VAV2: variants seen among roughly 807,000 people sequenced by gnomAD.
The protein encoded by VAV2 is guanine nucleotide exchange factor VAV2.
Under a neutral mutation model 132.5 loss-of-function variants are expected in VAV2, and 67 were observed. The observed-to-expected ratio is 0.51, with a 90% CI of 0.42 to 0.62. The LOEUF (loss-of-function observed/expected upper bound fraction) is 0.62. Ranked by LOEUF, VAV2 falls within the 20% of genes least tolerant of loss-of-function variation. VAV2 has a pLI of 0.00. For synonymous variants in VAV2, 492 were observed against 443.5 expected (o/e 1.11, Z -1.37); for missense variants, 938 against 1,153.6 (o/e 0.81, Z 2.71).
chr9:133,940,200 G>A (rs933226793), intron 1 of VAV2, among the ~76,000 whole-genome samples: 1 of 152,164 alleles, frequency 6.6e-6, no homozygotes, highest in African/African-American at 2.4e-5. Context: ...TTAATCATGT[G>A]CCCTGATGAC....
intron 12 of VAV2, among the ~76,000 whole-genome samples, chr9:133,795,404 G>A (rs1834668222): frequency 6.6e-6 from 1 of 152,112 alleles, no homozygotes; most frequent in Non-Finnish European, 1.5e-5. Context: ...CAGGGGGAGG[G>A]GAGGCTCAAG....
chr9:133,799,921 C>A (rs1472169978), intron 9 of VAV2, among the ~76,000 whole-genome samples: 1 of 152,118 alleles, frequency 6.6e-6, no homozygotes, highest in Non-Finnish European at 1.5e-5. Flanking sequence ...GCACCTGCCC[C>A]GCTCCGGATC....
At chr9:133,882,320 G>GA (rs1328341728) in intron 2 of VAV2, among the ~76,000 whole-genome samples, 1 of 152,250 alleles carries the variant, frequency 6.6e-6, no homozygotes, top group Non-Finnish European at 1.5e-5. Context: ...CCCCAAAGGG[G>GA]CGGCCCTGCT....
intron 5 of VAV2, 89 bp from the exon 6 acceptor site, chr9:133,810,294 C>T: frequency 2.5e-6 from 4 of 1,587,058 alleles, no homozygotes; most frequent in Non-Finnish European, 3.4e-6. Flanking sequence ...TCAGGAACGC[C>T]ACCCCACAAC....
chr9:133,887,637 C>CCCA (rs1389516357), intron 2 of VAV2, among the ~76,000 whole-genome samples: 4 of 152,128 alleles, frequency 2.6e-5, no homozygotes, highest in Non-Finnish European at 5.9e-5. Flanking sequence ...TCCACTTACC[C>CCCA]CCAGCAGAGA....
intron 4 of VAV2, among the ~76,000 whole-genome samples, chr9:133,816,851 T>C (rs1183667867): frequency 1.3e-5 from 2 of 152,242 alleles, no homozygotes; most frequent in Non-Finnish European, 2.9e-5. Context: ...TCCATCCATC[T>C]ATTTGTCTAT....
intron 3 of VAV2, among the ~76,000 whole-genome samples, chr9:133,844,343 G>A (rs1023861582): frequency 6.6e-6 from 1 of 152,166 alleles, no homozygotes; most frequent in Non-Finnish European, 1.5e-5. Context: ...AGCCCCCGAA[G>A]CTACTCTGCC....
intron 2 of VAV2, among the ~76,000 whole-genome samples, chr9:133,903,344 G>A (rs1473402711): frequency 1.3e-5 from 2 of 152,048 alleles, no homozygotes; most frequent in African/African-American, 4.8e-5. Context: ...TCTACCCCAC[G>A]CTGGGTGGTG....
chr9:133,796,340 G>T, intron 11 of VAV2, 89 bp downstream of exon 11: 1 of 1,123,534 alleles, frequency 8.9e-7, no homozygotes, highest in Non-Finnish European at 1.3e-6. Context: ...TCTGTCTGTG[G>T]GCTGCAACCT....
intron 1 of VAV2, among the ~76,000 whole-genome samples, chr9:133,989,351 A>C (rs973801094): frequency 1.3e-5 from 2 of 150,462 alleles, no homozygotes; most frequent in African/African-American, 2.5e-5. Context: ...AAAAAAAAAA[A>C]AAACAAAAAA....
At chr9:133,974,990 C>T (rs1842460500) in intron 1 of VAV2, among the ~76,000 whole-genome samples, 1 of 152,248 alleles carries the variant, frequency 6.6e-6, no homozygotes, top group South Asian at 2.1e-4. Flanking sequence ...ATTCATGCCC[C>T]TGGCAGAACC....
intron 8 of VAV2, 40 bp from the exon 9 acceptor site, chr9:133,806,221 C>A (rs767463685): frequency 1.3e-6 from 2 of 1,589,734 alleles, no homozygotes; most frequent in South Asian, 1.1e-5. Context: ...GCCAGGCCCA[C>A]CCAAGGCTAG....
At chr9:133,841,723 G>T (rs908069710) in intron 3 of VAV2, among the ~76,000 whole-genome samples, 1 of 152,214 alleles carries the variant, frequency 6.6e-6, no homozygotes, top group Non-Finnish European at 1.5e-5. Context: ...TAATGGGTCT[G>T]GGTTCAAGCC....
At chr9:133,836,533 C>T (rs1836480426) in intron 3 of VAV2, among the ~76,000 whole-genome samples, 2 of 152,138 alleles carry the variant, frequency 1.3e-5, no homozygotes, top group Non-Finnish European at 2.9e-5. Flanking sequence ...ATTTTAAACC[C>T]CACTCATCTC....
chr9:133,930,154 C>A (rs1474182047), intron 2 of VAV2, among the ~76,000 whole-genome samples: 1 of 152,218 alleles, frequency 6.6e-6, no homozygotes, highest in Non-Finnish European at 1.5e-5. Flanking sequence ...GCGCCCTCCC[C>A]TCCAGGGTCA....
intron 2 of VAV2, among the ~76,000 whole-genome samples, chr9:133,933,900 GGGTGGATGGATGGATGGAT>G: frequency 6.8e-6 from 1 of 146,474 alleles, no homozygotes; most frequent in Admixed American, 6.8e-5. Flanking sequence ...ATGGATGGAT[GGGTGGATGGATGGATGGAT>G]GATGGGTGAA....
At chr9:133,785,074 C>T (rs1010415216) in intron 17 of VAV2, among the ~76,000 whole-genome samples, 8 of 152,170 alleles carry the variant, frequency 5.3e-5, no homozygotes, top group African/African-American at 1.9e-4. Flanking sequence ...AACCAGCTGG[C>T]TGCATCTATT....
At chr9:133,934,885 T>A (rs1248521520) in intron 2 of VAV2, among the ~76,000 whole-genome samples, 2 of 152,198 alleles carry the variant, frequency 1.3e-5, no homozygotes, top group Non-Finnish European at 2.9e-5. Context: ...CCCTGACTAA[T>A]GCGCCGGCCA....
chr9:133,874,051 G>T (rs2131911152), intron 2 of VAV2, among the ~76,000 whole-genome samples: 1 of 152,332 alleles, frequency 6.6e-6, no homozygotes, highest in Non-Finnish European at 1.5e-5. Context: ...TTTCTGAGGA[G>T]GAGTCACCGG....
Sources: gnomAD v4.1 joint callset for allele counts (sites outside exome capture counted in the v4.1 genomes callset) on GRCh38, gnomAD v4.1.1 for gene constraint, MANE v1.5 for transcripts, NCBI Gene and HGNC (gene_info 2026-07-23, HGNC 2026-07-21) for gene names.